NTM: variants seen among roughly 807,000 people sequenced by gnomAD.
NTM encodes the protein neurotrimin, also known as IgLON family member 2.
NTM carries 13 observed loss-of-function variants against 42.1 expected under a neutral mutation model. That is an observed-to-expected ratio of 0.31 (90% CI 0.20 to 0.49). NTM has a LOEUF of 0.49. Among genes scored for constraint, NTM ranks in the 20% least tolerant of loss-of-function variants. The pLI, the probability that NTM is intolerant of heterozygous loss-of-function variation, is 0.99. For missense variants in NTM, 373 were observed against 452.8 expected (o/e 0.82, Z 1.60); for synonymous variants, 187 against 179.2 (o/e 1.04, Z -0.35).
At chr11:132,100,092 G>T (rs1436087110) in intron 2 of NTM, among the ~76,000 whole-genome samples, 2 of 152,118 alleles carry the variant, frequency 1.3e-5, no homozygotes, top group Non-Finnish European at 2.9e-5. Flanking sequence ...AAAAACAAAA[G>T]CAGTAACTTA....
chr11:131,616,300 A>G (rs1299990579), intron 1 of NTM, among the ~76,000 whole-genome samples: 5 of 152,326 alleles, frequency 3.3e-5, no homozygotes, highest in Admixed American at 3.3e-4. Context: ...CAACATCCCT[A>G]TCACCCAGAA....
chr11:131,588,148 A>G (rs2059041661), intron 1 of NTM, among the ~76,000 whole-genome samples: 2 of 152,268 alleles, frequency 1.3e-5, no homozygotes, highest in East Asian at 3.8e-4. Context: ...ACTCCCAGCC[A>G]CAATTAGCAA....
At chr11:131,748,090 A>G (rs2082043069) in intron 1 of NTM, among the ~76,000 whole-genome samples, 2 of 152,268 alleles carry the variant, frequency 1.3e-5, no homozygotes. Flanking sequence ...TAAAGGTGCC[A>G]TAAGCTAAAT....
chr11:132,143,503 G>A (rs2069634012), intron 2 of NTM, among the ~76,000 whole-genome samples: 2 of 152,162 alleles, frequency 1.3e-5, no homozygotes, highest in Admixed American at 6.5e-5. Context: ...TATCAGCATG[G>A]TTTCAGTCAA....
intron 1 of NTM, among the ~76,000 whole-genome samples, chr11:131,850,467 T>G (rs1000502043): frequency 9.2e-5 from 14 of 152,172 alleles, no homozygotes; most frequent in Non-Finnish European, 8.8e-5. Context: ...AGAATACACA[T>G]GTCTACTAGG....
At chr11:131,568,898 T>C (rs1179432665) in intron 1 of NTM, among the ~76,000 whole-genome samples, 1 of 152,158 alleles carries the variant, frequency 6.6e-6, no homozygotes, top group African/African-American at 2.4e-5. Flanking sequence ...CTCTCTCTCT[T>C]TTTCAACAGC....
chr11:131,605,669 T>C, intron 1 of NTM: 1 of 308,346 alleles, frequency 3.2e-6, no homozygotes, highest in South Asian at 1.3e-4. Flanking sequence ...ATGTTAACCC[T>C]GGGTGGTTTG....
intron 1 of NTM, among the ~76,000 whole-genome samples, chr11:131,418,045 C>T (rs1591610623): frequency 6.6e-6 from 1 of 152,278 alleles, no homozygotes. Context: ...CAGGAGGCAT[C>T]ATAGGATCAT....
At chr11:132,082,811 C>G (rs1486828508) in intron 2 of NTM, among the ~76,000 whole-genome samples, 1 of 152,176 alleles carries the variant, frequency 6.6e-6, no homozygotes, top group African/African-American at 2.4e-5. Flanking sequence ...GGTTGCATGA[C>G]CGTTTGGAGT....
At chr11:131,433,846 C>A (rs572892662) in intron 1 of NTM, among the ~76,000 whole-genome samples, 1 of 152,134 alleles carries the variant, frequency 6.6e-6, no homozygotes, top group Admixed American at 6.5e-5. Flanking sequence ...ATGTGCACAA[C>A]GTGCAGGTTG....
At chr11:132,301,605 A>G (rs112886100) in intron 4 of NTM, among the ~76,000 whole-genome samples, 1,834 of 152,298 alleles carry the variant, frequency 0.012, 33 homozygotes, top group African/African-American at 0.041. Flanking sequence ...TTCATCAGCC[A>G]TCATAATGGC....
chr11:131,821,709 G>A (rs1429601226), intron 1 of NTM, among the ~76,000 whole-genome samples: 1 of 152,210 alleles, frequency 6.6e-6, no homozygotes, highest in African/African-American at 2.4e-5. Flanking sequence ...TGTGGCGTGA[G>A]GTGGAGGAAG....
At chr11:131,573,158 A>G (rs2057610222) in intron 1 of NTM, among the ~76,000 whole-genome samples, 1 of 152,198 alleles carries the variant, frequency 6.6e-6, no homozygotes, top group Admixed American at 6.5e-5. Context: ...AGCAACTGGT[A>G]AAGTCTGACC....
At chr11:131,923,554 C>G (rs561179130) in intron 2 of NTM, among the ~76,000 whole-genome samples, 2 of 150,806 alleles carry the variant, frequency 1.3e-5, no homozygotes, top group East Asian at 3.9e-4. Context: ...ATGTGACACA[C>G]TTCATAAAAT....
chr11:131,774,886 C>T (rs891794736), intron 1 of NTM, among the ~76,000 whole-genome samples: 8 of 152,174 alleles, frequency 5.3e-5, no homozygotes, highest in Admixed American at 5.2e-4. Flanking sequence ...TCTGTAATGT[C>T]TCATGAGAAA....
chr11:131,472,799 C>G (rs1187796974), intron 1 of NTM, among the ~76,000 whole-genome samples: 1 of 152,082 alleles, frequency 6.6e-6, no homozygotes, highest in Non-Finnish European at 1.5e-5. Flanking sequence ...CTGAAAGACA[C>G]AGCTAGTAAG....
At chr11:132,004,360 G>A (rs780188867) in intron 2 of NTM, among the ~76,000 whole-genome samples, 7 of 152,078 alleles carry the variant, frequency 4.6e-5, no homozygotes, top group Non-Finnish European at 1.0e-4. Flanking sequence ...TAAGTAAAAA[G>A]TAGAAGCTGG....
intron 1 of NTM, among the ~76,000 whole-genome samples, chr11:131,532,370 G>A (rs2051411635): frequency 1.3e-5 from 2 of 152,190 alleles, no homozygotes; most frequent in Non-Finnish European, 2.9e-5. Flanking sequence ...TTTTCAAGAT[G>A]TATCTATGTT....
chr11:132,097,723 A>G (rs975351243), intron 2 of NTM, among the ~76,000 whole-genome samples: 1 of 152,210 alleles, frequency 6.6e-6, no homozygotes, highest in Non-Finnish European at 1.5e-5. Flanking sequence ...CTTCGTGAAC[A>G]CTCGTGAACT....
Sources: gnomAD v4.1 joint callset for allele counts (sites outside exome capture counted in the v4.1 genomes callset) on GRCh38, gnomAD v4.1.1 for gene constraint, MANE v1.5 for transcripts, NCBI Gene and HGNC (gene_info 2026-07-23, HGNC 2026-07-21) for gene names.